The following SLC12A7 variants were observed in gnomAD, a reference collection of about 807,000 sequenced individuals.
SLC12A7 encodes solute carrier family 12 member 7.
SLC12A7 carries 100 observed loss-of-function variants against 120.6 expected under a neutral mutation model. The observed-to-expected ratio is 0.83, with a 90% CI of 0.71 to 0.98. SLC12A7 has a LOEUF of 0.98. Ranked by LOEUF, SLC12A7 falls within the 50% of genes least tolerant of loss-of-function variation. The probability of loss-of-function intolerance (pLI) is 0.00; values close to 1 mark genes in which losing one functional copy is unlikely to be tolerated. For synonymous variants in SLC12A7, 760 were observed against 678.0 expected, an observed-to-expected ratio of 1.12 and a Z score of -1.88; for missense variants, 1,373 against 1,548.1, an observed-to-expected ratio of 0.89 and a Z score of 1.90.
intron 2 of SLC12A7, 97 bp from the exon 3 acceptor site, chr5:1,093,752 C>G: frequency 6.5e-7 from 1 of 1,530,902 alleles, no homozygotes; most frequent in East Asian, 2.3e-5. Context: ...AGGCCCTCCC[C>G]GGGTCCTCAG....
intron 1 of SLC12A7, among the ~76,000 whole-genome samples, chr5:1,103,162 C>G (rs1742178775): frequency 2.6e-5 from 4 of 152,172 alleles, no homozygotes; most frequent in Non-Finnish European, 1.5e-5. Context: ...ACACGGGGGG[C>G]TTCAGGCAAG....
chr5:1,083,643 A>G (rs888187042), intron 8 of SLC12A7, 102 bp downstream of exon 8: 12 of 1,214,072 alleles, frequency 9.9e-6, no homozygotes, highest in Non-Finnish European at 1.4e-5. Context: ...GGCAGGAGGA[A>G]TTGGGGCCCT....
chr5:1,063,700 A>G (rs984993205), intron 20 of SLC12A7, 144 bp downstream of exon 20: 1 of 6,638 alleles, frequency 1.5e-4, no homozygotes, highest in Admixed American at 1.7e-3. Context: ...TTCCCCCTCC[A>G]CCCCCACCTC....
chr5:1,070,074 C>T (rs1353120341), intron 17 of SLC12A7, among the ~76,000 whole-genome samples: 448 of 27,384 alleles, frequency 0.016, 23 homozygotes, highest in African/African-American at 0.028. Flanking sequence ...AGCACACGGG[C>T]ATCACACTTA....
intron 9 of SLC12A7, 63 bp from the exon 10 acceptor site, chr5:1,079,559 C>T (rs1738771168): frequency 1.5e-6 from 2 of 1,360,474 alleles, no homozygotes; most frequent in Admixed American, 1.7e-5. Context: ...GATGGCAGCC[C>T]CTGCCCAGAA....
At chr5:1,116,189 G>A (rs945721306), upstream of SLC12A7, among the ~76,000 whole-genome samples, 1 of 152,176 alleles carries the variant, frequency 6.6e-6, no homozygotes, top group South Asian at 2.1e-4. Context: ...GCCCATGGCT[G>A]CATCTCCCCT....
At position 1,082,026 on chromosome 5, in the gene SLC12A7, GTCCAGGCTTCCCGTCTCGGGTTCTGGA is replaced by G. The variant is rs1561072159; in HGVS notation, c.1130-309_1130-283del. Among the ~76,000 whole-genome samples, 436 of 108,018 alleles carry G rather than the reference GTCCAGGCTTCCCGTCTCGGGTTCTGGA, an allele frequency of 4.0e-3. 1 individual carries two copies. The highest frequency in any genetic ancestry group is 6.0e-3 in the Non-Finnish European group (252 of 42,064). 70.9% of individuals were successfully genotyped at this position (108,018 alleles called of 152,430 possible). A position where few individuals can be genotyped will look rare whatever the true frequency, so the allele number is the denominator to read the frequency against. ...GGCTTCCCGTCTCGGGTTCTGGAAA[GTCCAGGCTTCCCGTCTCGGGTTCTGGA>G]AAGCCTGGGCTTCCCATCTTGGGTT... On this transcript the variant is annotated intron_variant, in intron 8 of 23. Coordinates refer to ENST00000264930, the MANE Select transcript of SLC12A7 (RefSeq NM_006598.3).
At chr5:1,133,139 C>T in the SLC12A7 span, among the ~76,000 whole-genome samples, 1 of 152,202 alleles carries the variant, frequency 6.6e-6, no homozygotes, top group African/African-American at 2.4e-5. Context: ...TGGTCTCGAA[C>T]TCCCAACTTC....
At chr5:1,117,554 A>G in the SLC12A7 span, among the ~76,000 whole-genome samples, 1 of 152,184 alleles carries the variant, frequency 6.6e-6, no homozygotes, top group Non-Finnish European at 1.5e-5. This position sits in a 1 kb window ranked among gnomAD's most constrained non-coding sequence, Gnocchi z 4.5. Flanking sequence ...CCCTCCCTAA[A>G]CTGCTCCTAA....
At chr5:1,065,067 G>A (rs1736867292) in intron 18 of SLC12A7, among the ~76,000 whole-genome samples, 1 of 148,560 alleles carries the variant, frequency 6.7e-6, no homozygotes, top group Non-Finnish European at 1.5e-5. Context: ...GGACAGTGAG[G>A]GGACAGCAAG....
At chr5:1,133,127 G>A in the SLC12A7 span, among the ~76,000 whole-genome samples, 1 of 152,200 alleles carries the variant, frequency 6.6e-6, no homozygotes. Context: ...TGTTGGCCAG[G>A]CTGGTCTCGA....
intron 1 of SLC12A7, among the ~76,000 whole-genome samples, chr5:1,096,366 C>G (rs1263298248): frequency 2.0e-5 from 3 of 152,054 alleles, no homozygotes; most frequent in Non-Finnish European, 2.9e-5. Context: ...GGTCTTGCAA[C>G]CTTTCTGAAA....
At chr5:1,137,862 C>T in the SLC12A7 span, among the ~76,000 whole-genome samples, 1 of 152,222 alleles carries the variant, frequency 6.6e-6, no homozygotes, top group South Asian at 2.1e-4. Flanking sequence ...GCCTGGCGCA[C>T]TGTGAGGAGA....
At chr5:1,081,412 G>A (rs1174603074) in intron 9 of SLC12A7, among the ~76,000 whole-genome samples, 165 bp downstream of exon 9, 1 of 152,166 alleles carries the variant, frequency 6.6e-6, no homozygotes, top group Admixed American at 6.5e-5. Flanking sequence ...GGTCCCAGCT[G>A]CTTGGGAGAC....
intron 21 of SLC12A7, among the ~76,000 whole-genome samples, chr5:1,057,902 T>C (rs1238779405): frequency 6.6e-6 from 1 of 152,168 alleles, no homozygotes; most frequent in Non-Finnish European, 1.5e-5. Context: ...AAAGGCCCCA[T>C]GACCCCGTAC....
intron 1 of SLC12A7, among the ~76,000 whole-genome samples, chr5:1,101,480 G>C (rs970010021): frequency 1.3e-5 from 2 of 152,106 alleles, no homozygotes; most frequent in Non-Finnish European, 2.9e-5. Flanking sequence ...CCTCCCAATA[G>C]CCAGCAAAGG....
chr5:1,146,409 G>T, the SLC12A7 span, among the ~76,000 whole-genome samples: 6 of 152,294 alleles, frequency 3.9e-5, no homozygotes, highest in African/African-American at 1.2e-4. The surrounding 1 kb of genome is among the most constrained non-coding windows in gnomAD (Gnocchi z 6.5). Context: ...GTGCCTGCAT[G>T]TGGGTGGGAG....
chr5:1,084,043 G>T, intron 7 of SLC12A7, 87 bp from the exon 8 acceptor site: 1 of 1,184,702 alleles, frequency 8.4e-7, no homozygotes, highest in Non-Finnish European at 1.2e-6. Context: ...GGCACCCATG[G>T]TGTCGCCCGC....
In SLC12A7 at chr5:1,060,996, C is replaced by CG. The variant is rs1189843188; in HGVS notation, c.2740-546_2740-545insC. On this transcript the variant is annotated intron_variant, in intron 20 of 23. Transcript: ENST00000264930. Reference sequence around the variant, plus strand: ...TGCTGCGTCTCACCCACTGCACCTGCCGTGCAGGATCCCTGAGTCTCACCC... The same window carrying CG: ...TGCTGCGTCTCACCCACTGCACCTGCGCGTGCAGGATCCCTGAGTCTCACCC... 1.7e-3 allele frequency among the ~76,000 whole-genome samples: 255 copies of CG among 151,178 alleles called. 4 individuals carry two copies. Among genetic ancestry groups the CG allele is most frequent in the African/African-American group, 5.7e-3 (234 of 40,804 alleles).
Sources: gnomAD v4.1 joint callset for allele counts (sites outside exome capture counted in the v4.1 genomes callset) on GRCh38, gnomAD v4.1.1 for gene constraint, Gnocchi (gnomAD v3.1) non-coding constraint, MANE v1.5 for transcripts, NCBI Gene and HGNC (gene_info 2026-07-23, HGNC 2026-07-21) for gene names.